CLINT1: variants seen among roughly 807,000 people sequenced by gnomAD.
The protein encoded by CLINT1 is clathrin interacting protein localized in the trans-Golgi region.
A neutral mutation model predicts 70.4 loss-of-function variants in CLINT1; 15 were observed. The observed-to-expected ratio is 0.21, with a 90% CI of 0.14 to 0.33. The LOEUF (loss-of-function observed/expected upper bound fraction) is 0.33. Ranked by LOEUF, CLINT1 falls within the 10% of genes least tolerant of loss-of-function variation. The pLI is 1.00. For synonymous variants in CLINT1, 227 were observed against 254.7 expected (o/e 0.89, Z 1.04); for missense variants, 615 against 778.1 (o/e 0.79, Z 2.49).
At chr5:157,800,385 C>T (rs1443096357) in intron 8 of CLINT1, among the ~76,000 whole-genome samples, 1 of 152,016 alleles carries the variant, frequency 6.6e-6, no homozygotes. Context: ...TAAATGACAC[C>T]CAAATGACAT....
chr5:157,857,296 A>C (rs149252660), intron 1 of CLINT1, among the ~76,000 whole-genome samples: 1,775 of 152,024 alleles, frequency 0.012, 117 homozygotes, highest in Admixed American at 0.084. Context: ...TTGATATCCT[A>C]ATCTTTACAC....
chr5:157,840,260 A>AC (rs1221537447), intron 1 of CLINT1, among the ~76,000 whole-genome samples: 2 of 151,594 alleles, frequency 1.3e-5, no homozygotes, highest in Non-Finnish European at 2.9e-5. Flanking sequence ...TAAAAAAAAA[A>AC]AACAAAAAAC....
At chr5:157,790,488 A>G (rs1381918628) in intron 10 of CLINT1, 1 of 326,600 alleles carries the variant, frequency 3.1e-6, no homozygotes, top group Non-Finnish European at 5.9e-6. Flanking sequence ...ATAATTAAAA[A>G]TGTACCAATG....
chr5:157,804,037 TA>T (rs3836883), intron 7 of CLINT1, among the ~76,000 whole-genome samples: 2,445 of 131,276 alleles, frequency 0.019, 27 homozygotes, highest in African/African-American at 0.027. Context: ...ATCAGTTCAT[TA>T]AAAAAAAAAA....
chr5:157,817,608 C>T, intron 1 of CLINT1, 61 bp from the exon 2 acceptor site: 1 of 1,107,916 alleles, frequency 9.0e-7, no homozygotes, highest in Non-Finnish European at 1.3e-6. Context: ...CTGAGAAACA[C>T]ATGAAAACTT....
intron 9 of CLINT1, among the ~76,000 whole-genome samples, chr5:157,792,955 C>A (rs1042965994): frequency 6.6e-6 from 1 of 152,214 alleles, no homozygotes; most frequent in African/African-American, 2.4e-5. Context: ...ATTCCATGTT[C>A]ATTTACAACT....
chr5:157,840,192 C>CAAAAAAAAAAAAAAAA (rs57245921), intron 1 of CLINT1, among the ~76,000 whole-genome samples: 1 of 55,334 alleles, frequency 1.8e-5, no homozygotes, highest in Non-Finnish European at 2.9e-5. Flanking sequence ...GAGACTGCCT[C>CAAAAAAAAAAAAAAAA]AAAAAAAAAA....
chr5:157,859,009 G>T lies in CLINT1; in HGVS notation c.-39C>A, dbSNP rs759903343. The T allele has an allele frequency of 3.7e-6, 6 of 1,607,984 alleles. No homozygotes were observed. The highest frequency in any genetic ancestry group is 1.3e-5 in the African/African-American group (1 of 74,602). ...GGACGGTCCGCCGCCTCCCTCTCCT[G>T]CTCCCCACGGACCCCGGAACACTTC... On this transcript the variant is annotated 5_prime_UTR_variant, in exon 1 of 12. Transcript: ENST00000411809.
chr5:157,852,096 T>C (rs1191411522), intron 1 of CLINT1, among the ~76,000 whole-genome samples: 1 of 152,250 alleles, frequency 6.6e-6, no homozygotes, highest in African/African-American at 2.4e-5. Context: ...ATTGTCTGCT[T>C]CAATTTGCAT....
chr5:157,820,492 T>G (rs964750433), intron 1 of CLINT1, among the ~76,000 whole-genome samples: 1 of 152,336 alleles, frequency 6.6e-6, no homozygotes, highest in East Asian at 1.9e-4. Context: ...AAGATGAGAT[T>G]TGATGGCATA....
intron 1 of CLINT1, among the ~76,000 whole-genome samples, chr5:157,831,693 CTTTTTTTTT>C (rs35629225): frequency 2.7e-4 from 34 of 123,928 alleles, no homozygotes; most frequent in Middle Eastern, 4.6e-3. Context: ...TGAAAATATC[CTTTTTTTTT>C]TTTTTTTTTT....
chr5:157,831,134 A>ATAACCCT (rs2113266059), intron 1 of CLINT1, among the ~76,000 whole-genome samples: 2 of 151,768 alleles, frequency 1.3e-5, no homozygotes, highest in African/African-American at 4.8e-5. Context: ...TAATTTCTTA[A>ATAACCCT]TAACCCTCAT....
intron 10 of CLINT1, chr5:157,790,691 T>G (rs1359489127): frequency 2.2e-6 from 1 of 451,372 alleles, no homozygotes; most frequent in South Asian, 1.6e-5. Flanking sequence ...TAAACACATA[T>G]TCTCAATAGT....
chr5:157,847,164 G>A (rs1225663644), intron 1 of CLINT1, among the ~76,000 whole-genome samples: 1 of 152,132 alleles, frequency 6.6e-6, no homozygotes, highest in Non-Finnish European at 1.5e-5. Flanking sequence ...TCTGGGAAAA[G>A]TAAATTGAAA....
chr5:157,809,573 T>C lies in CLINT1; in HGVS notation c.695+55A>G. Reference sequence around the variant, plus strand: ...AACCAACAAAAAACCAAAAACCCAGTGGCATAAATTTAGGGCTCTTTCTAA... The same window carrying C: ...AACCAACAAAAAACCAAAAACCCAGCGGCATAAATTTAGGGCTCTTTCTAA... On this transcript the variant is annotated intron_variant, in intron 6 of 11. Transcript: ENST00000411809. 2.7e-6 allele frequency: 4 copies of C among 1,459,812 alleles called. No individual in the cohort carries two copies. The South Asian group carries it at 4.3e-5, about 16-fold the overall frequency. 90.4% of individuals were successfully genotyped at this position (1,459,812 alleles called of 1,614,324 possible).
chr5:157,794,839 G>A (rs1762018993), intron 9 of CLINT1, 59 bp downstream of exon 9: 3 of 1,251,436 alleles, frequency 2.4e-6, no homozygotes, highest in South Asian at 1.3e-5. Flanking sequence ...GGGAATGGGA[G>A]TTGTTTTTAA....
intron 1 of CLINT1, among the ~76,000 whole-genome samples, chr5:157,842,409 C>T (rs1145597): frequency 6.6e-5 from 10 of 152,026 alleles, no homozygotes; most frequent in East Asian, 1.9e-4. Flanking sequence ...AGCCGAGATC[C>T]GCCACTGCAC....
At chr5:157,851,126 T>C (rs575586672) in intron 1 of CLINT1, among the ~76,000 whole-genome samples, 57 of 149,912 alleles carry the variant, frequency 3.8e-4, no homozygotes, top group African/African-American at 1.3e-3. Context: ...TAAAAATGCA[T>C]GAAAACAAAT....
rs781105483 is a variant in CLINT1, at chr5:157,791,850, T to C, written c.1233A>G (p.Leu411=). 29 of 1,613,798 alleles carry C rather than the reference T, an allele frequency of 1.8e-5. No homozygotes were observed. The highest frequency in any genetic ancestry group is 2.5e-5 in the Non-Finnish European group (29 of 1,179,872). ...AATTTGAGGCAGCAGGAGGTGGGCC[T>C]AGAGCTGATTGTGAGCCACTAACAA... ...VELVSGSQSA[L]GPPPAASNSS... is the part of the protein sequence containing the mutation. Residue 411 remains leucine, a synonymous_variant, in exon 10 of 12, where the codon CTA becomes CTG. Transcript: ENST00000411809.
Sources: gnomAD v4.1 joint callset for allele counts (sites outside exome capture counted in the v4.1 genomes callset) on GRCh38, gnomAD v4.1.1 for gene constraint, MANE v1.5 for transcripts, NCBI Gene and HGNC (gene_info 2026-07-23, HGNC 2026-07-21) for gene names.